Variants in SLIT3 observed in about 807,000 individuals in gnomAD.
SLIT3 encodes slit homolog 3 protein.
Under a neutral mutation model 184.0 loss-of-function variants are expected in SLIT3, and 68 were observed. That is an observed-to-expected ratio of 0.37 (90% CI 0.30 to 0.45). SLIT3 has a LOEUF of 0.45. SLIT3 is among the 20% of genes least tolerant of loss of function. The pLI, the probability that SLIT3 is intolerant of heterozygous loss-of-function variation, is 1.00. For missense variants in SLIT3, 1,707 were observed against 2,026.0 expected (o/e 0.84, Z 3.02); for synonymous variants, 831 against 828.6 (o/e 1.00, Z -0.05).
chr5:168,809,131 A>G (rs1157795980), intron 8 of SLIT3, among the ~76,000 whole-genome samples: 1 of 152,192 alleles, frequency 6.6e-6, no homozygotes, highest in Non-Finnish European at 1.5e-5. Context: ...TGGAAGTTCT[A>G]ACATGGAATT....
intron 4 of SLIT3, among the ~76,000 whole-genome samples, chr5:169,030,827 C>T (rs1380024940): frequency 6.6e-6 from 1 of 152,144 alleles, no homozygotes; most frequent in Admixed American, 6.5e-5. Flanking sequence ...ATAAAAGCAA[C>T]TTATTGGCTC....
chr5:168,824,326 G>A (rs558566728), intron 6 of SLIT3, among the ~76,000 whole-genome samples: 10 of 152,256 alleles, frequency 6.6e-5, no homozygotes, highest in East Asian at 1.9e-4. Flanking sequence ...GAGCTCCTAC[G>A]GTGCCTGTTA....
At chr5:169,131,743 A>G (rs1029095493) in intron 4 of SLIT3, among the ~76,000 whole-genome samples, 8 of 152,204 alleles carry the variant, frequency 5.3e-5, no homozygotes, top group East Asian at 3.9e-4. Context: ...TGCCTAAACC[A>G]TTCATAACCC....
At chr5:169,226,479 A>T (rs1270238673) in intron 3 of SLIT3, among the ~76,000 whole-genome samples, 2 of 152,284 alleles carry the variant, frequency 1.3e-5, no homozygotes, top group African/African-American at 4.8e-5. Context: ...CTTTGGTCCC[A>T]GGTAGCAGTC....
rs1424846981 is a variant in SLIT3 at position 168,664,250 on chromosome 5, C to T, written c.*2204G>A. ...GAAACAGGCTGAGCATAGTGGCTCA[C>T]ACCTGTAATCCCAGCATTTTGGGAG... On this transcript the variant is annotated 3_prime_UTR_variant, in exon 36 of 36. Transcript: ENST00000519560. The T allele has an allele frequency of 6.6e-6, 1 of 152,166 alleles. No individual in the cohort carries two copies. The highest frequency in any genetic ancestry group is 2.4e-5 in the African/African-American group (1 of 41,430). 9.4% of individuals were successfully genotyped at this position (152,166 alleles called of 1,614,324 possible).
intron 3 of SLIT3, among the ~76,000 whole-genome samples, chr5:169,213,731 T>C (rs1250977546): frequency 6.6e-6 from 1 of 152,250 alleles, no homozygotes; most frequent in African/African-American, 2.4e-5. Context: ...CACTAGAATA[T>C]AAATTCCATG....
intron 14 of SLIT3, among the ~76,000 whole-genome samples, chr5:168,763,810 C>T (rs1055268321): frequency 3.3e-5 from 5 of 152,152 alleles, no homozygotes; most frequent in African/African-American, 7.2e-5. Flanking sequence ...TAGCACAATG[C>T]GAGACACAAA....
intron 4 of SLIT3, among the ~76,000 whole-genome samples, chr5:169,034,621 A>G (rs1192760772): frequency 6.6e-6 from 1 of 152,230 alleles, no homozygotes; most frequent in African/African-American, 2.4e-5. Context: ...CCACTGGCCA[A>G]GTGGTGCCTT....
intron 4 of SLIT3, among the ~76,000 whole-genome samples, chr5:168,935,825 T>C (rs1429359955): frequency 1.3e-5 from 2 of 152,244 alleles, no homozygotes; most frequent in African/African-American, 2.4e-5. Flanking sequence ...CACAGACAAC[T>C]GTGGTACGGT....
chr5:169,076,287 G>A (rs1260020252), intron 4 of SLIT3, among the ~76,000 whole-genome samples: 1 of 152,190 alleles, frequency 6.6e-6, no homozygotes, highest in Non-Finnish European at 1.5e-5. Flanking sequence ...AGAGATCAGA[G>A]AGACCATATA....
intron 3 of SLIT3, among the ~76,000 whole-genome samples, chr5:169,209,643 G>T (rs1290644233): frequency 6.6e-6 from 1 of 152,208 alleles, no homozygotes; most frequent in Non-Finnish European, 1.5e-5. Context: ...CACATCCTTT[G>T]CAGGGACATG....
At chr5:168,828,582 C>A (rs1464009438) in intron 6 of SLIT3, among the ~76,000 whole-genome samples, 2 of 147,980 alleles carry the variant, frequency 1.4e-5, no homozygotes, top group Non-Finnish European at 3.0e-5. Flanking sequence ...ATCACTTGAG[C>A]CTGGTAAGTC....
chr5:169,193,715 GC>G (rs1763646852), intron 3 of SLIT3, among the ~76,000 whole-genome samples, 165 bp from the exon 4 acceptor site: 1 of 152,160 alleles, frequency 6.6e-6, no homozygotes, highest in African/African-American at 2.4e-5. Context: ...TTCCCTGTTG[GC>G]GGGGCTTAGA....
intron 5 of SLIT3, among the ~76,000 whole-genome samples, chr5:168,847,199 T>C (rs1291671024): frequency 1.3e-5 from 2 of 152,262 alleles, no homozygotes; most frequent in African/African-American, 2.4e-5. Flanking sequence ...AGCTTTACTA[T>C]AAGCATCTCT....
chr5:168,755,559 C>T (rs1027939057), intron 16 of SLIT3, among the ~76,000 whole-genome samples: 5 of 151,640 alleles, frequency 3.3e-5, no homozygotes, highest in Admixed American at 1.3e-4. Flanking sequence ...CTCAGCCTCC[C>T]GAGTAGCTGG....
intron 4 of SLIT3, among the ~76,000 whole-genome samples, chr5:168,951,086 G>A (rs1036387608): frequency 6.6e-6 from 1 of 152,180 alleles, no homozygotes; most frequent in African/African-American, 2.4e-5. Context: ...CAGGCATGGT[G>A]ACAGCTGCCT....
At chr5:169,021,955 GAAC>G (rs2113493167) in intron 4 of SLIT3, among the ~76,000 whole-genome samples, 1 of 152,256 alleles carries the variant, frequency 6.6e-6, no homozygotes, top group South Asian at 2.1e-4. Flanking sequence ...TACACATATA[GAAC>G]ACACCCATCA....
intron 35 of SLIT3, 76 bp from the exon 36 acceptor site, chr5:168,666,765 G>T (rs761039001): frequency 1.2e-6 from 2 of 1,603,658 alleles, no homozygotes; most frequent in African/African-American, 1.3e-5. Flanking sequence ...CAGGTAGGCT[G>T]CTTTGAAATA....
In SLIT3 at chr5:168,792,829, C is replaced by T. The variant is rs187748359; in HGVS notation, c.1007+2678G>A. Among the ~76,000 whole-genome samples the T allele has an allele frequency of 3.5e-3, 529 of 152,278 alleles. 2 individuals carry two copies. The highest frequency in any genetic ancestry group is 5.8e-3 in the Non-Finnish European group (392 of 68,030). ...CCAAAAATCCAAAATCTGAAATGCT[C>T]CAAAATCTGAAACTTTCTGAGCACT... On this transcript the variant is annotated intron_variant, in intron 10 of 35. Transcript: ENST00000519560.
Sources: gnomAD v4.1 joint callset for allele counts (sites outside exome capture counted in the v4.1 genomes callset) on GRCh38, gnomAD v4.1.1 for gene constraint, MANE v1.5 for transcripts, NCBI Gene and HGNC (gene_info 2026-07-23, HGNC 2026-07-21) for gene names.